Variants in CX3CL1 observed in about 807,000 individuals in gnomAD.
CX3CL1 encodes C-X3-C motif chemokine ligand 1.
In CX3CL1, 1 loss-of-function variant was observed where a neutral mutation model predicts 14.1. The ratio of observed to expected loss-of-function variants is 0.07; its 90% CI spans 0.03 to 0.34. The LOEUF (loss-of-function observed/expected upper bound fraction) is 0.34, where lower values mean the gene tolerates loss of function less well. Ranked by LOEUF, CX3CL1 falls within the 10% of genes least tolerant of loss-of-function variation. CX3CL1 has a pLI of 0.99. For missense variants in CX3CL1, 505 were observed against 536.4 expected, an observed-to-expected ratio of 0.94 and a Z score of 0.58; for synonymous variants, 255 against 229.6, an observed-to-expected ratio of 1.11 and a Z score of -1.00.
intron 1 of CX3CL1, chr16:57,378,314 G>A (rs1403752053): frequency 6.6e-6 from 1 of 152,118 alleles, no homozygotes; most frequent in Non-Finnish European, 1.5e-5. Context: ...CTATTCCGGA[G>A]GTTGAAGTGG....
At chr16:57,376,607 AG>A (rs1199229842) in intron 1 of CX3CL1, among the ~76,000 whole-genome samples, 1 of 151,614 alleles carries the variant, frequency 6.6e-6, no homozygotes, top group Non-Finnish European at 1.5e-5. Flanking sequence ...GTGAGATAAA[AG>A]GGGGCGGAAG....
intron 1 of CX3CL1, among the ~76,000 whole-genome samples, chr16:57,375,927 A>C (rs1157323081): frequency 1.3e-5 from 2 of 152,166 alleles, no homozygotes; most frequent in Non-Finnish European, 2.9e-5. Context: ...TGGGGTGTTT[A>C]GGGGCTGAGT....
At chr16:57,373,116 G>T (rs949547852) in intron 1 of CX3CL1, among the ~76,000 whole-genome samples, 3 of 152,162 alleles carry the variant, frequency 2.0e-5, no homozygotes, top group Admixed American at 6.5e-5. Flanking sequence ...CAGGATTAGG[G>T]GGCCCAGGAC....
chr16:57,381,964 C>A (rs1471026374), intron 2 of CX3CL1, 66 bp from the exon 3 acceptor site: 9 of 1,497,068 alleles, frequency 6.0e-6, no homozygotes, highest in South Asian at 1.3e-5. Flanking sequence ...GCTGTGCCCC[C>A]ACACCACGCT....
chr16:57,379,801 A>G (rs1253558286), intron 2 of CX3CL1, 47 bp downstream of exon 2: 2 of 1,608,830 alleles, frequency 1.2e-6, no homozygotes, highest in African/African-American at 2.7e-5. Context: ...GGGCCCTTGG[A>G]ATATTCCCAG....
chr16:57,379,735 T>C lies in CX3CL1; in HGVS notation c.172T>C (p.Cys58Arg). ...CCACTATCAACAGAACCAGGCATCA[T>C]GCGGCAAACGCGCAATCATGTAGGT... The part of the protein sequence containing the change: ...LIHYQQNQAS[C>R]GKRAIILETR... The change falls in exon 2 of 3, where the codon TGC (cysteine) becomes CGC (arginine). Residue 58 changes from cysteine (C) to arginine (R), a missense_variant. Cys to Arg is a radical substitution (Grantham distance 180, BLOSUM62 -3). Coordinates refer to ENST00000006053, the MANE Select transcript of CX3CL1 (RefSeq NM_002996.6). The C allele has an allele frequency of 6.2e-7, 1 of 1,614,264 alleles. No individual in the cohort carries two copies. Among genetic ancestry groups the C allele is most frequent in the East Asian group, 2.2e-5 (1 of 44,886 alleles).
In CX3CL1 at chr16:57,383,435, G is replaced by A. The variant is rs1384465521; in HGVS notation, c.*403G>A. On this transcript the variant is annotated 3_prime_UTR_variant, in exon 3 of 3. Transcript: ENST00000006053. ...AGGCCAGGCCCTCTGCCCACTCCCTGCAACCTGATTGTGTCTCTTGGTCCT... is the reference window on the plus strand; with the variant it reads ...AGGCCAGGCCCTCTGCCCACTCCCTACAACCTGATTGTGTCTCTTGGTCCT... 3 of 164,688 alleles carry A rather than the reference G, an allele frequency of 1.8e-5. No homozygotes were observed. The East Asian group carries it at 5.2e-4, about 29-fold the overall frequency. 10.2% of individuals were successfully genotyped at this position (164,688 alleles called of 1,614,324 possible).
intron 2 of CX3CL1, among the ~76,000 whole-genome samples, chr16:57,380,504 G>A (rs1157455190): frequency 6.6e-6 from 1 of 152,140 alleles, no homozygotes; most frequent in Non-Finnish European, 1.5e-5. Flanking sequence ...GTTGCAGTGA[G>A]CCAAGATGGC....
At position 57,383,317 on chromosome 16, in the gene CX3CL1, C is replaced by T. The variant is rs765386463; in HGVS notation, c.*285C>T. 3.1e-6 allele frequency: 1 copy of T among 320,596 alleles called. No individual in the cohort carries two copies. Among genetic ancestry groups the T allele is most frequent in the Non-Finnish European group, 5.7e-6 (1 of 176,306 alleles). The allele number at this position is 320,596 out of a possible 1,614,324, so 19.9% of individuals were successfully genotyped here. A position where few individuals can be genotyped will look rare whatever the true frequency, so the allele number is the denominator to read the frequency against. ...GAGGTTCCCTTTGACGCCATCCCAG[C>T]CCCAATGAACAATTATTTATTAAAT... is the stretch of plus-strand genomic sequence containing the variant. On this transcript the variant is annotated 3_prime_UTR_variant, in exon 3 of 3. Coordinates refer to ENST00000006053, the MANE Select transcript of CX3CL1 (RefSeq NM_002996.6).
rs9926186 is a variant in CX3CL1 at position 57,375,553 on chromosome 16, G to C, written c.70+2915G>C. Among the ~76,000 whole-genome samples the C allele has an allele frequency of 3.5e-3, 537 of 152,314 alleles. 5 individuals carry two copies. The highest frequency in any genetic ancestry group is 0.011 in the African/African-American group (469 of 41,568). On this transcript the variant is annotated intron_variant, in intron 1 of 2. Coordinates refer to ENST00000006053, the MANE Select transcript of CX3CL1 (RefSeq NM_002996.6). ...GCCCTAAGGGAAAAATGCTCCAGAA[G>C]TTAAAAAATTCTTATTCTCACAACC... is the stretch of plus-strand genomic sequence containing the variant.
intron 1 of CX3CL1, 65 bp from the exon 2 acceptor site, chr16:57,379,569 G>T (rs779555347): frequency 1.0e-4 from 162 of 1,606,328 alleles, no homozygotes; most frequent in Non-Finnish European, 1.4e-5. Flanking sequence ...GGACAATCTG[G>T]CACGGGGTTG....
At chr16:57,372,685 C>A (rs751917598) in intron 1 of CX3CL1, 47 bp downstream of exon 1, 6 of 1,594,316 alleles carry the variant, frequency 3.8e-6, no homozygotes, top group Non-Finnish European at 5.1e-6. Context: ...GAGCCCCCAG[C>A]CCCTTGTCTA....
In CX3CL1 at chr16:57,382,108, C is replaced by T; in HGVS notation, c.270C>T (p.Asp90=). ...TCAAGGACGCGATGCAGCATCTGGA[C>T]CGCCAGGCTGCTGCCCTAACTCGAA... is the stretch of plus-strand genomic sequence containing the variant. ...QWVKDAMQHL[D]RQAAALTRNG... Residue 90 remains aspartate (D), a synonymous_variant, in exon 3 of 3, where the codon GAC becomes GAT. Coordinates refer to ENST00000006053, the MANE Select transcript of CX3CL1 (RefSeq NM_002996.6). This position sits in a 1 kb window ranked among gnomAD's most constrained non-coding sequence, Gnocchi z 6.9. The T allele has an allele frequency of 6.2e-7, 1 of 1,613,978 alleles. No individual in the cohort carries two copies. Among genetic ancestry groups the T allele is most frequent in the South Asian group, 1.1e-5 (1 of 91,058 alleles).
chr16:57,384,096 A>G lies in CX3CL1; in HGVS notation c.*1064A>G, dbSNP rs1902378286. 6.6e-6 allele frequency: 1 copy of G among 152,226 alleles called. No homozygotes were observed. 9.4% of individuals were successfully genotyped at this position (152,226 alleles called of 1,614,324 possible). ...GACACATGTCCAAGAAGCCCAGGAA[A>G]GGCTCCAGGAGCAGCCACATTCCTG... On this transcript the variant is annotated 3_prime_UTR_variant, in exon 3 of 3. Transcript: ENST00000006053.
At chr16:57,376,945 A>T (rs2146510589) in intron 1 of CX3CL1, 1 of 152,334 alleles carries the variant, frequency 6.6e-6, no homozygotes, top group South Asian at 2.1e-4. Flanking sequence ...CCATTTACAG[A>T]AAGGAAAATT....
rs1329182245 is a variant in CX3CL1 at position 57,382,235 on chromosome 16, G to A, written c.397G>A (p.Gly133Ser). Residue 133 changes from glycine (G) to serine (S), a missense_variant, in exon 3 of 3, where the codon GGC (glycine) becomes AGC (serine). By Grantham distance (56) the Gly-to-Ser change is moderately conservative. Coordinates refer to ENST00000006053, the MANE Select transcript of CX3CL1 (RefSeq NM_002996.6). This position sits in a 1 kb window ranked among gnomAD's most constrained non-coding sequence, Gnocchi z 6.9. ...ESVVLEPEAT[G>S]ESSSLEPTPS... is the part of the protein sequence containing the mutation. ...TGTGGTCCTGGAGCCCGAAGCCACA[G>A]GCGAAAGCAGTAGCCTGGAGCCGAC... 1.6e-5 allele frequency: 25 copies of A among 1,612,222 alleles called. No homozygotes were observed. The highest frequency in any genetic ancestry group is 2.1e-5 in the Non-Finnish European group (25 of 1,179,026).
chr16:57,376,011 A>G (rs1902240133), intron 1 of CX3CL1, among the ~76,000 whole-genome samples: 2 of 152,242 alleles, frequency 1.3e-5, no homozygotes, highest in South Asian at 4.1e-4. Context: ...CAGCTTCTGC[A>G]TCTGTAAAGT....
Position 57,383,163 on chromosome 16 carries a change from G to A in CX3CL1, c.*131G>A, listed in dbSNP as rs936141975. The A allele has an allele frequency of 4.8e-6, 4 of 831,650 alleles. No homozygotes were observed. The highest frequency in any genetic ancestry group is 6.7e-6 in the Non-Finnish European group (4 of 597,540). The allele number at this position is 831,650 out of a possible 1,614,324, so 51.5% of individuals were successfully genotyped here. A position where few individuals can be genotyped will look rare whatever the true frequency, so the allele number is the denominator to read the frequency against. ...AGGGGGGAGGTGGGATCCTCCAGGT[G>A]CACAAGCTCCAAGCTCCCAGGCATT... is the stretch of plus-strand genomic sequence containing the variant. On this transcript the variant is annotated 3_prime_UTR_variant, in exon 3 of 3. Coordinates refer to ENST00000006053, the MANE Select transcript of CX3CL1 (RefSeq NM_002996.6).
At position 57,382,958 on chromosome 16, in the gene CX3CL1, G is replaced by A. The variant is rs1423095377; in HGVS notation, c.1120G>A (p.Gly374Arg). ...SLQGCPRKMA[G>R]EMAEGLRYIP... ...CCAGGGCTGCCCTCGAAAGATGGCAGGAGAGATGGCGGAGGGCCTTCGCTA... is the reference window on the plus strand; with the variant it reads ...CCAGGGCTGCCCTCGAAAGATGGCAAGAGAGATGGCGGAGGGCCTTCGCTA... Residue 374 changes from glycine to arginine, a missense_variant, in exon 3 of 3, where the codon GGA becomes AGA. Physicochemically the swap from Gly to Arg is moderately radical, Grantham distance 125. Transcript: ENST00000006053. The surrounding 1 kb of genome is among the most constrained non-coding windows in gnomAD (Gnocchi z 6.9). The A allele has an allele frequency of 1.3e-6, 2 of 1,514,146 alleles. No homozygotes were observed. Among genetic ancestry groups the A allele is most frequent in the East Asian group, 2.3e-5 (1 of 43,688 alleles). 93.8% of individuals were successfully genotyped at this position (1,514,146 alleles called of 1,614,324 possible). A position where few individuals can be genotyped will look rare whatever the true frequency, so the allele number is the denominator to read the frequency against.
Sources: allele counts gnomAD v4.1 joint callset (sites outside exome capture counted in the v4.1 genomes callset), GRCh38; gene constraint gnomAD v4.1.1; non-coding constraint Gnocchi (gnomAD v3.1); transcripts MANE v1.5; gene names NCBI Gene and HGNC (gene_info 2026-07-23, HGNC 2026-07-21).